The following HS3ST4 variants were observed in gnomAD, a reference collection of about 807,000 sequenced individuals.
HS3ST4 encodes heparan sulfate-glucosamine 3-sulfotransferase 4.
In HS3ST4, 17 loss-of-function variants were observed where a neutral mutation model predicts 29.2. The observed-to-expected ratio is 0.58, with a 90% CI of 0.40 to 0.87. The LOEUF (loss-of-function observed/expected upper bound fraction) is 0.87. HS3ST4 is among the 40% of genes least tolerant of loss of function. The pLI, the probability that HS3ST4 is intolerant of heterozygous loss-of-function variation, is 0.00. For missense variants in HS3ST4, 627 were observed against 634.5 expected, an observed-to-expected ratio of 0.99 and a Z score of 0.13; for synonymous variants, 314 against 285.7, an observed-to-expected ratio of 1.10 and a Z score of -1.00.
intron 1 of HS3ST4, among the ~76,000 whole-genome samples, chr16:25,874,786 A>G (rs1420305909): frequency 6.6e-6 from 1 of 152,204 alleles, no homozygotes; most frequent in Admixed American, 6.5e-5. Context: ...GGAAAGTAGC[A>G]TAAGTACAGT....
chr16:25,699,773 C>A (rs1258631474), intron 1 of HS3ST4, among the ~76,000 whole-genome samples: 1 of 152,204 alleles, frequency 6.6e-6, no homozygotes, highest in African/African-American at 2.4e-5. Flanking sequence ...GAGCCAGAAT[C>A]TATTGGACAA....
intron 1 of HS3ST4, among the ~76,000 whole-genome samples, chr16:26,091,509 C>T (rs953443014): frequency 2.0e-5 from 3 of 152,148 alleles, no homozygotes; most frequent in South Asian, 4.1e-4. Flanking sequence ...CCAATTTTCA[C>T]GTCCTTGGGC....
At chr16:25,719,515 C>G (rs1434456430) in intron 1 of HS3ST4, among the ~76,000 whole-genome samples, 10 of 152,188 alleles carry the variant, frequency 6.6e-5, no homozygotes. Context: ...ATAGGTAGTG[C>G]TGGGATAGAT....
chr16:26,044,445 T>G (rs1340047715), intron 1 of HS3ST4, among the ~76,000 whole-genome samples: 1 of 152,130 alleles, frequency 6.6e-6, no homozygotes, highest in Non-Finnish European at 1.5e-5. Context: ...ACTATGAAGG[T>G]TGGCGGAGCT....
At chr16:25,988,413 C>T (rs1007105370) in intron 1 of HS3ST4, among the ~76,000 whole-genome samples, 8 of 152,102 alleles carry the variant, frequency 5.3e-5, no homozygotes, top group Admixed American at 2.0e-4. Context: ...TGGTCCTGGG[C>T]GGATCCCTTA....
intron 1 of HS3ST4, among the ~76,000 whole-genome samples, chr16:26,126,040 A>G (rs1381185061): frequency 6.6e-6 from 1 of 152,208 alleles, no homozygotes; most frequent in African/African-American, 2.4e-5. Context: ...CTGGCTTGAA[A>G]TTCATGTTGC....
At chr16:25,911,036 C>A (rs1030857561) in intron 1 of HS3ST4, among the ~76,000 whole-genome samples, 6 of 152,148 alleles carry the variant, frequency 3.9e-5, no homozygotes, top group African/African-American at 1.4e-4. Context: ...ATATTGGACT[C>A]TTTGGCAATG....
At chr16:26,028,104 C>A (rs1011948754) in intron 1 of HS3ST4, among the ~76,000 whole-genome samples, 3 of 151,850 alleles carry the variant, frequency 2.0e-5, no homozygotes, top group Non-Finnish European at 2.9e-5. Flanking sequence ...GAAACCCTGT[C>A]TCTACTGAAA....
intron 1 of HS3ST4, among the ~76,000 whole-genome samples, chr16:25,807,118 G>T (rs565750808): frequency 1.3e-5 from 2 of 152,026 alleles, no homozygotes; most frequent in Non-Finnish European, 2.9e-5. Flanking sequence ...GATTACAGGC[G>T]CCTGCTACCA....
chr16:25,772,777 G>T (rs1299087624), intron 1 of HS3ST4, among the ~76,000 whole-genome samples: 2 of 152,166 alleles, frequency 1.3e-5, no homozygotes, highest in Admixed American at 1.3e-4. Flanking sequence ...TAGAGAGAGA[G>T]GGTGAGAAAC....
In HS3ST4 at chr16:26,097,731, A is replaced by T. The variant is rs569807732; in HGVS notation, c.735-37881A>T. 5.9e-3 allele frequency among the ~76,000 whole-genome samples: 896 copies of T among 152,346 alleles called. 7 individuals carry two copies. The highest frequency in any genetic ancestry group is 0.018 in the African/African-American group (758 of 41,580). On this transcript the variant is annotated intron_variant, in intron 1 of 1. Transcript: ENST00000331351. Reference sequence around the variant, plus strand: ...TGGCAACAAAAGCCAAAATAGACAAATGGGATCTAATTAAACTAAAGAGCT... The same window carrying T: ...TGGCAACAAAAGCCAAAATAGACAATTGGGATCTAATTAAACTAAAGAGCT...
intron 1 of HS3ST4, among the ~76,000 whole-genome samples, chr16:25,798,474 A>G (rs1454186782): frequency 6.6e-6 from 1 of 152,224 alleles, no homozygotes; most frequent in Non-Finnish European, 1.5e-5. Flanking sequence ...AAGAGAGCAT[A>G]GCTGAATATG....
At chr16:25,706,749 G>T (rs185685961) in intron 1 of HS3ST4, among the ~76,000 whole-genome samples, 23 of 152,282 alleles carry the variant, frequency 1.5e-4, no homozygotes, top group Non-Finnish European at 3.1e-4. Flanking sequence ...GGGGAATTAG[G>T]TTGCAGATGG....
At chr16:26,004,009 C>T (rs1474265331) in intron 1 of HS3ST4, among the ~76,000 whole-genome samples, 1 of 152,126 alleles carries the variant, frequency 6.6e-6, no homozygotes, top group Non-Finnish European at 1.5e-5. Flanking sequence ...CATTTCCTCA[C>T]CTACTCTTGT....
intron 1 of HS3ST4, among the ~76,000 whole-genome samples, chr16:26,014,135 T>A (rs1299497845): frequency 6.6e-6 from 1 of 152,170 alleles, no homozygotes; most frequent in Non-Finnish European, 1.5e-5. Context: ...GTGGCAATTC[T>A]CATCTGAAAT....
chr16:25,944,988 T>A (rs1968611256), intron 1 of HS3ST4, among the ~76,000 whole-genome samples: 1 of 152,210 alleles, frequency 6.6e-6, no homozygotes, highest in South Asian at 2.1e-4. Context: ...TCATAAAATG[T>A]TACTATATTA....
chr16:25,897,945 C>T (rs979568177), intron 1 of HS3ST4, among the ~76,000 whole-genome samples: 5 of 152,114 alleles, frequency 3.3e-5, no homozygotes, highest in Non-Finnish European at 7.4e-5. Context: ...TCATTTGGGA[C>T]AGAATGTGCT....
In HS3ST4 at chr16:25,932,275, C is replaced by T. The variant is rs187942784; in HGVS notation, c.735-203337C>T. Among the ~76,000 whole-genome samples the T allele has an allele frequency of 3.9e-5, 6 of 152,260 alleles. No individual in the cohort carries two copies. The East Asian group carries it at 7.7e-4, about 20-fold the overall frequency. On this transcript the variant is annotated intron_variant, in intron 1 of 1. Coordinates refer to ENST00000331351, the MANE Select transcript of HS3ST4 (RefSeq NM_006040.3). ...GCTGCAGTGAATTGTGATTGTGCCA[C>T]GGCACTGCAGCCTGGCTGCAGGGCA...
At chr16:26,104,321 G>A (rs1487464632) in intron 1 of HS3ST4, among the ~76,000 whole-genome samples, 2 of 152,188 alleles carry the variant, frequency 1.3e-5, no homozygotes, top group East Asian at 3.8e-4. Context: ...TAGGCTTGTT[G>A]TTGACTGCTT....
Sources: allele counts gnomAD v4.1 joint callset (sites outside exome capture counted in the v4.1 genomes callset), GRCh38; gene constraint gnomAD v4.1.1; transcripts MANE v1.5; gene names NCBI Gene and HGNC (gene_info 2026-07-23, HGNC 2026-07-21).